The following KEL variants were observed in gnomAD, a reference collection of about 807,000 sequenced individuals.
The protein encoded by KEL is Kell metallo-endopeptidase (Kell blood group).
KEL carries 96 observed loss-of-function variants against 99.5 expected under a neutral mutation model. That is an observed-to-expected ratio of 0.97 (90% confidence interval 0.82 to 1.14). KEL has a LOEUF of 1.14. Ranked by LOEUF, KEL falls within the 50% of genes most tolerant of loss-of-function variation. KEL has a pLI of 0.00. For synonymous variants in KEL, 355 were observed against 354.8 expected (o/e 1.00, Z -0.01); for missense variants, 926 against 924.2 (o/e 1.00, Z -0.03).
chr7:142,947,348 A>T (rs2116651991), intron 10 of KEL, among the ~76,000 whole-genome samples: 1 of 152,272 alleles, frequency 6.6e-6, no homozygotes. Flanking sequence ...CTCTCCCCGC[A>T]GGAGCTAGGC....
At chr7:142,942,751 TG>T in intron 17 of KEL, 123 bp downstream of exon 17, 2 of 1,240,514 alleles carry the variant, frequency 1.6e-6, no homozygotes, top group South Asian at 1.2e-5. Context: ...GTCTATTCAG[TG>T]GGGATGCGAA....
Position 142,953,930 on chromosome 7 carries a change from C to T in KEL, c.951G>A (p.Leu317=). 1 of 1,614,092 alleles carries T rather than the reference C, an allele frequency of 6.2e-7. No individual in the cohort carries two copies. Among genetic ancestry groups the T allele is most frequent in the Non-Finnish European group, 8.5e-7 (1 of 1,180,012 alleles). Residue 317 remains leucine, a synonymous_variant, in exon 9 of 19, where the codon TTG becomes TTA. Coordinates refer to ENST00000355265, the MANE Select transcript of KEL (RefSeq NM_000420.3). ...GTGTGAATGTCGCTTGCAAGCAGGA[C>T]AACCAGTCGATGGCGGGGGCCATTT... is the stretch of plus-strand genomic sequence containing the variant. The part of the protein sequence containing the change: ...LKEMAPAIDW[L]SCLQATFTPM...
intron 16 of KEL, 90 bp from the exon 17 acceptor site, chr7:142,943,134 T>G (rs1214630630): frequency 6.4e-7 from 1 of 1,565,926 alleles, no homozygotes; most frequent in East Asian, 2.2e-5. Context: ...ACAGACTGAA[T>G]CAGCTCCCAG....
chr7:142,951,878 C>T (rs1796695010), intron 10 of KEL, among the ~76,000 whole-genome samples: 1 of 152,076 alleles, frequency 6.6e-6, no homozygotes, highest in Admixed American at 6.6e-5. Context: ...ATGTACTAGA[C>T]TCTTCTGCTT....
intron 17 of KEL, among the ~76,000 whole-genome samples, 162 bp downstream of exon 17, chr7:142,942,713 G>C (rs1360499383): frequency 1.3e-5 from 2 of 152,190 alleles, no homozygotes; most frequent in African/African-American, 4.8e-5. Context: ...GAGGATCTCT[G>C]GGGTAGGAGG....
chr7:142,958,255 G>T (rs781665958), intron 5 of KEL, 49 bp downstream of exon 5: 6 of 1,613,418 alleles, frequency 3.7e-6, no homozygotes, highest in South Asian at 1.1e-5. Context: ...GCATGCATTG[G>T]TCCCATATGT....
chr7:142,947,288 T>C (rs1459553097), intron 10 of KEL, among the ~76,000 whole-genome samples: 1 of 152,142 alleles, frequency 6.6e-6, no homozygotes, highest in Non-Finnish European at 1.5e-5. Context: ...GTGATTTTTT[T>C]ACTTCCCAAA....
intron 10 of KEL, chr7:142,946,589 C>T (rs10261078): frequency 0.061 from 31,521 of 516,198 alleles, 1,721 homozygotes; most frequent in African/African-American, 0.22. Context: ...GAGGCATCAT[C>T]CTGGGGTTTC....
intron 7 of KEL, 38 bp from the exon 8 acceptor site, chr7:142,954,410 C>T (rs949214548): frequency 1.7e-5 from 27 of 1,611,462 alleles, no homozygotes; most frequent in Non-Finnish European, 2.3e-5. Flanking sequence ...TGCCAGAGGT[C>T]CCTGCTTTTC....
At chr7:142,958,787 A>G (rs1467284600) in intron 4 of KEL, among the ~76,000 whole-genome samples, 1 of 152,188 alleles carries the variant, frequency 6.6e-6, no homozygotes, top group African/African-American at 2.4e-5. Flanking sequence ...AATAGGAAAC[A>G]TTTGTCACCT....
intron 5 of KEL, 142 bp from the exon 6 acceptor site, chr7:142,958,115 T>G (rs1796872637): frequency 3.1e-6 from 4 of 1,301,204 alleles, no homozygotes; most frequent in Non-Finnish European, 4.3e-6. Flanking sequence ...TCTATCCTTT[T>G]TTATCTGCCT....
At chr7:142,943,446 T>G (rs773965415) in intron 15 of KEL, 40 bp downstream of exon 15, 1 of 1,606,948 alleles carries the variant, frequency 6.2e-7, no homozygotes, top group South Asian at 1.1e-5. Flanking sequence ...TCGGCCCCTC[T>G]TGGGAAACTC....
At chr7:142,948,843 C>T (rs8176009) in intron 10 of KEL, among the ~76,000 whole-genome samples, 1,517 of 150,912 alleles carry the variant, frequency 0.01, 25 homozygotes, top group African/African-American at 0.035. Context: ...CATCATGTAG[C>T]GACAGTCAGT....
rs552983897 is a variant in KEL at position 142,948,942 on chromosome 7, A to G, written c.1204-2625T>C. Reference sequence around the variant, plus strand: ...CACACACACACACACTAGAAACCTGAATGCTGGCATGCCATATCCTAGTTT... The same window carrying G: ...CACACACACACACACTAGAAACCTGGATGCTGGCATGCCATATCCTAGTTT... On this transcript the variant is annotated intron_variant, in intron 10 of 18. Coordinates refer to ENST00000355265, the MANE Select transcript of KEL (RefSeq NM_000420.3). Among the ~76,000 whole-genome samples the G allele has an allele frequency of 8.1e-4, 123 of 151,594 alleles. 1 individual carries two copies. The highest frequency in any genetic ancestry group is 2.8e-3 in the African/African-American group (114 of 40,974).
rs8176022 is a variant in KEL, at chr7:142,945,553, C to T, written c.1314+654G>A. ...CCTCTTCAAGATTATGTCATCTGTT[C>T]TGATGTCACGTCATGTGTTGTTAAA... is the stretch of plus-strand genomic sequence containing the variant. On this transcript the variant is annotated intron_variant, in intron 11 of 18. Transcript: ENST00000355265. 4.0e-3 allele frequency among the ~76,000 whole-genome samples: 608 copies of T among 151,940 alleles called. 5 individuals carry two copies. Among genetic ancestry groups the T allele is most frequent in the African/African-American group, 0.014 (584 of 41,458 alleles).
intron 10 of KEL, among the ~76,000 whole-genome samples, chr7:142,952,118 A>G (rs1046522151): frequency 6.6e-6 from 1 of 152,176 alleles, no homozygotes; most frequent in African/African-American, 2.4e-5. Flanking sequence ...ACTAGACATA[A>G]GGAAGGCCAC....
intron 9 of KEL, 47 bp downstream of exon 9, chr7:142,953,761 G>A (rs1258443862): frequency 6.2e-7 from 1 of 1,607,266 alleles, no homozygotes; most frequent in Non-Finnish European, 8.5e-7. Flanking sequence ...ACGGTGCTCA[G>A]GCTCTCCTCC....
In KEL at chr7:142,942,499, C is replaced by T. The variant is rs773401783; in HGVS notation, c.1972G>A (p.Gly658Arg). Residue 658 changes from glycine (G) to arginine (R), a missense_variant, in exon 18 of 19, where the codon GGG becomes AGG. Physicochemically the swap from Gly to Arg is moderately radical, Grantham distance 125 (BLOSUM62 -2). Coordinates refer to ENST00000355265, the MANE Select transcript of KEL (RefSeq NM_000420.3). ...AYSKRLLRHH[G>R]ETVLPSLDLS... ...TCCAGGCTGGGCAGGACAGTCTCCCCATGGTGCCGTAACAGCCTCTTGCTG... is the reference window on the plus strand; with the variant it reads ...TCCAGGCTGGGCAGGACAGTCTCCCTATGGTGCCGTAACAGCCTCTTGCTG... 6.2e-7 allele frequency: 1 copy of T among 1,610,110 alleles called. No individual in the cohort carries two copies. Among genetic ancestry groups the T allele is most frequent in the Admixed American group, 1.7e-5 (1 of 59,562 alleles).
intron 18 of KEL, 122 bp downstream of exon 18, chr7:142,942,312 A>T: frequency 1.4e-6 from 1 of 706,654 alleles, no homozygotes. Context: ...CAGTGAGGAC[A>T]TCTGCAGAAG....
Sources: allele counts gnomAD v4.1 joint callset (sites outside exome capture counted in the v4.1 genomes callset), GRCh38; gene constraint gnomAD v4.1.1; transcripts MANE v1.5; gene names NCBI Gene and HGNC (gene_info 2026-07-23, HGNC 2026-07-21).